Variants in BTBD7 observed in about 807,000 individuals in gnomAD.
BTBD7 encodes BTB/POZ domain-containing protein 7.
Under a neutral mutation model 99.9 loss-of-function variants are expected in BTBD7, and 38 were observed. That is an observed-to-expected ratio of 0.38 (90% CI 0.29 to 0.50). The LOEUF (loss-of-function observed/expected upper bound fraction) is 0.50, where lower values mean the gene tolerates loss of function less well. BTBD7 is among the 20% of genes least tolerant of loss of function. The pLI, the probability that BTBD7 is intolerant of heterozygous loss-of-function variation, is 0.93. For missense variants in BTBD7, 1,170 were observed against 1,394.6 expected (o/e 0.84, Z 2.57); for synonymous variants, 520 against 511.4 (o/e 1.02, Z -0.23).
intron 1 of BTBD7, among the ~76,000 whole-genome samples, chr14:93,324,376 T>C (rs1285968242): frequency 6.6e-6 from 1 of 150,522 alleles, no homozygotes; most frequent in Non-Finnish European, 1.5e-5. Flanking sequence ...GAGCTGTGAT[T>C]GTATCACTGC....
In BTBD7 at chr14:93,243,085, T is replaced by C. The variant is rs2052255960; in HGVS notation, c.2587A>G (p.Thr863Ala). The C allele has an allele frequency of 1.2e-6, 2 of 1,609,048 alleles. No homozygotes were observed. The highest frequency in any genetic ancestry group is 1.7e-6 in the Non-Finnish European group (2 of 1,176,178). Residue 863 changes from threonine (T) to alanine (A), a missense_variant, in exon 11 of 11, where the codon ACA becomes GCA. Thr to Ala is a moderately conservative substitution (Grantham distance 58, BLOSUM62 0). Coordinates refer to ENST00000334746, the MANE Select transcript of BTBD7 (RefSeq NM_001002860.4). ...AAAASEKQVRTQPVLNDLMPD... is the reference protein window; with the variant it reads ...AAAASEKQVRAQPVLNDLMPD... ...ATCAGATCATTCAGCACAGGTTGTG[T>C]TCGCTGCAGACAGAGACAAAAATGG...
intron 1 of BTBD7, among the ~76,000 whole-genome samples, chr14:93,318,970 A>G (rs551563836): frequency 4.2e-4 from 64 of 152,348 alleles, no homozygotes; most frequent in African/African-American, 1.5e-3. Context: ...TAAACCCAGC[A>G]CTTCAGGAGG....
chr14:93,330,742 C>G (rs1156420272), intron 1 of BTBD7, among the ~76,000 whole-genome samples: 1 of 152,130 alleles, frequency 6.6e-6, no homozygotes, highest in Non-Finnish European at 1.5e-5. Flanking sequence ...TGTGAGCTTC[C>G]GTGACTAGAA....
In BTBD7 at chr14:93,286,380, CT is replaced by C. The variant is rs1265910030; in HGVS notation, c.1162+7477del. ...CAATGGCTGAAACAGTACAAAGCCC[CT>C]GTTCTCTGGCTAAGTGCTCTGAAGC... On this transcript the variant is annotated intron_variant, in intron 3 of 10. Coordinates refer to ENST00000334746, the MANE Select transcript of BTBD7 (RefSeq NM_001002860.4). Among the ~76,000 whole-genome samples the C allele has an allele frequency of 2.0e-5, 3 of 152,310 alleles. No individual in the cohort carries two copies. The East Asian group carries it at 5.8e-4, about 29-fold the overall frequency.
intron 3 of BTBD7, among the ~76,000 whole-genome samples, chr14:93,276,491 T>G (rs114590403): frequency 2.2e-3 from 333 of 152,254 alleles, no homozygotes; most frequent in African/African-American, 7.7e-3. Flanking sequence ...TGTGAATGTA[T>G]TACCTATTAA....
chr14:93,244,621 C>A (rs2052280833), intron 10 of BTBD7, among the ~76,000 whole-genome samples: 1 of 151,984 alleles, frequency 6.6e-6, no homozygotes, highest in Admixed American at 6.6e-5. Flanking sequence ...TGCACTCCAG[C>A]CTGGGCAACA....
chr14:93,297,897 T>C (rs1056163108), intron 1 of BTBD7, among the ~76,000 whole-genome samples: 2 of 152,004 alleles, frequency 1.3e-5, no homozygotes, highest in Non-Finnish European at 2.9e-5. Flanking sequence ...TTTACCAAAA[T>C]GAGGGGGGAA....
intron 1 of BTBD7, among the ~76,000 whole-genome samples, chr14:93,321,422 G>A (rs771136419): frequency 3.9e-5 from 6 of 152,062 alleles, no homozygotes; most frequent in East Asian, 1.9e-4. Context: ...GTGAAACCCC[G>A]TCTCTACTAA....
intron 8 of BTBD7, among the ~76,000 whole-genome samples, chr14:93,250,718 C>T (rs1595287055): frequency 1.3e-5 from 2 of 152,190 alleles, no homozygotes; most frequent in South Asian, 4.1e-4. Flanking sequence ...CCAACATTTA[C>T]TGATGCTCAG....
Position 93,242,083 on chromosome 14 carries a change from C to T in BTBD7, c.*190G>A, listed in dbSNP as rs2052236581. On this transcript the variant is annotated 3_prime_UTR_variant, in exon 11 of 11. Coordinates refer to ENST00000334746, the MANE Select transcript of BTBD7 (RefSeq NM_001002860.4). ...TCAAAGACAAATTAGACAGATGCAA[C>T]ATTAAAAAAAAAAAACAAAACCTTC... The T allele has an allele frequency of 1.8e-6, 1 of 562,228 alleles. No individual in the cohort carries two copies. Among genetic ancestry groups the T allele is most frequent in the Non-Finnish European group, 3.1e-6 (1 of 325,394 alleles). 34.8% of individuals were successfully genotyped at this position (562,228 alleles called of 1,614,324 possible). A position where few individuals can be genotyped will look rare whatever the true frequency, so the allele number is the denominator to read the frequency against.
At chr14:93,253,976 C>T (rs2052400626) in intron 6 of BTBD7, among the ~76,000 whole-genome samples, 186 bp from the exon 7 acceptor site, 1 of 150,506 alleles carries the variant, frequency 6.6e-6, no homozygotes, top group Non-Finnish European at 1.5e-5. Flanking sequence ...GTCTCACTGT[C>T]GCCCCGGCTG....
rs571544679 is a variant in BTBD7, at chr14:93,279,009, G to T, written c.1162+14849C>A. Among the ~76,000 whole-genome samples, 6 of 152,300 alleles carry T rather than the reference G, an allele frequency of 3.9e-5. No homozygotes were observed. The East Asian group carries it at 5.8e-4, about 15-fold the overall frequency. On this transcript the variant is annotated intron_variant, in intron 3 of 10. Coordinates refer to ENST00000334746, the MANE Select transcript of BTBD7 (RefSeq NM_001002860.4). ...ACACAGAGCATAAAACTTTTAAAAA[G>T]AATTAGTAATTTTGATATAAAATTT...
chr14:93,318,103 C>T (rs373586783), intron 1 of BTBD7, among the ~76,000 whole-genome samples: 1 of 152,174 alleles, frequency 6.6e-6, no homozygotes, highest in Admixed American at 6.5e-5. Context: ...TTCTGTGCTT[C>T]CTCCTCACCA....
intron 1 of BTBD7, among the ~76,000 whole-genome samples, chr14:93,309,727 T>C (rs1056273062): frequency 3.9e-5 from 6 of 152,190 alleles, no homozygotes; most frequent in Non-Finnish European, 8.8e-5. Context: ...TGTTTCTTGA[T>C]TGTGATTAAT....
At position 93,328,611 on chromosome 14, in the gene BTBD7, TAAAAA is replaced by T. The variant is rs57161505; in HGVS notation, c.-107+4204_-107+4208del. Among the ~76,000 whole-genome samples the T allele has an allele frequency of 1.6e-3, 168 of 101,862 alleles. 1 individual carries two copies. Among genetic ancestry groups the T allele is most frequent in the African/African-American group, 5.2e-3 (157 of 30,114 alleles). 66.8% of individuals were successfully genotyped at this position (101,862 alleles called of 152,430 possible). A position where few individuals can be genotyped will look rare whatever the true frequency, so the allele number is the denominator to read the frequency against. ...TAAGAGCCAGAACTATAAAATTCTT[TAAAAA>T]AAAAAAAAAAAAAAAAAAAAGGCTG... On this transcript the variant is annotated intron_variant, in intron 1 of 10. Transcript: ENST00000334746.
chr14:93,320,257 T>C (rs1566865481), intron 1 of BTBD7, among the ~76,000 whole-genome samples: 1 of 152,104 alleles, frequency 6.6e-6, no homozygotes, highest in East Asian at 1.9e-4. Flanking sequence ...GTGATTGTTC[T>C]CCCCTTCCAC....
intron 10 of BTBD7, among the ~76,000 whole-genome samples, chr14:93,244,939 C>T (rs2052286592): frequency 2.7e-5 from 4 of 150,472 alleles, no homozygotes; most frequent in Admixed American, 2.0e-4. Flanking sequence ...TCACTGCAGC[C>T]TCAACAACCT....
At chr14:93,304,165 G>A (rs1462723595) in intron 1 of BTBD7, among the ~76,000 whole-genome samples, 5 of 152,316 alleles carry the variant, frequency 3.3e-5, no homozygotes, top group Admixed American at 6.5e-5. Context: ...CTGCCATTTG[G>A]AGCCTCTGTG....
intron 9 of BTBD7, among the ~76,000 whole-genome samples, chr14:93,247,373 A>G (rs2052324773): frequency 7.2e-6 from 1 of 139,338 alleles, no homozygotes; most frequent in Admixed American, 7.1e-5. Flanking sequence ...TTTGAGACGG[A>G]GTCTTGCTCT....
Sources: gnomAD v4.1 joint callset for allele counts (sites outside exome capture counted in the v4.1 genomes callset) on GRCh38, gnomAD v4.1.1 for gene constraint, MANE v1.5 for transcripts, NCBI Gene and HGNC (gene_info 2026-07-23, HGNC 2026-07-21) for gene names.